FHIT: variants seen among roughly 807,000 people sequenced by gnomAD.
FHIT encodes fragile histidine triad diadenosine triphosphatase, also known as bis(5'-adenosyl)-triphosphatase.
FHIT carries 19 observed loss-of-function variants against 17.9 expected under a neutral mutation model. The ratio of observed to expected loss-of-function variants is 1.06; its 90% CI spans 0.74 to 1.56. The LOEUF (loss-of-function observed/expected upper bound fraction) is 1.56, where lower values mean the gene tolerates loss of function less well. Ranked by LOEUF, FHIT falls within the 40% of genes most tolerant of loss-of-function variation. FHIT has a pLI of 0.00. For missense variants in FHIT, 248 were observed against 189.2 expected (o/e 1.31, Z -1.82); for synonymous variants, 81 against 69.7 (o/e 1.16, Z -0.81).
intron 1 of FHIT, among the ~76,000 whole-genome samples, chr3:61,216,695 G>A (rs932211649): frequency 2.0e-5 from 3 of 152,140 alleles, no homozygotes; most frequent in African/African-American, 7.2e-5. Context: ...ACATGCACAC[G>A]TATGTTTATT....
chr3:60,771,037 C>T (rs1700025676), intron 4 of FHIT, among the ~76,000 whole-genome samples: 1 of 152,226 alleles, frequency 6.6e-6, no homozygotes, highest in Non-Finnish European at 1.5e-5. Flanking sequence ...GAATCTGCAA[C>T]CTACTCCTTT....
chr3:61,128,162 A>C lies in FHIT; in HGVS notation c.-164+72455T>G, dbSNP rs192283844. On this transcript the variant is annotated intron_variant, in intron 2 of 9. Transcript: ENST00000492590. ...TATTTAGTGCAAGGACAACATAAAC[A>C]ATAATGAAAAAAGAAAGAGATAAAC... Among the ~76,000 whole-genome samples, 134 of 152,300 alleles carry C rather than the reference A, an allele frequency of 8.8e-4. No individual in the cohort carries two copies. The Middle Eastern group carries it at 0.01, about 12-fold the overall frequency.
At chr3:60,980,601 C>T (rs1710453141) in intron 3 of FHIT, among the ~76,000 whole-genome samples, 1 of 152,182 alleles carries the variant, frequency 6.6e-6, no homozygotes, top group Non-Finnish European at 1.5e-5. Context: ...CCCAGCAGGT[C>T]TCAGACCACT....
intron 5 of FHIT, among the ~76,000 whole-genome samples, chr3:60,034,260 G>A (rs1701119200): frequency 6.6e-6 from 1 of 152,202 alleles, no homozygotes; most frequent in East Asian, 1.9e-4. Flanking sequence ...CTGATTCAAT[G>A]AACATGTCAT....
chr3:59,919,201 G>A (rs1235854596), intron 8 of FHIT, among the ~76,000 whole-genome samples: 3 of 152,176 alleles, frequency 2.0e-5, no homozygotes, highest in Admixed American at 1.3e-4. Context: ...CCCATGCACT[G>A]ACCAAATGTA....
Position 59,747,442 on chromosome 3 carries a change from C to A in FHIT, c.*2143G>T, listed in dbSNP as rs114387566. Among the ~76,000 whole-genome samples, 493 of 152,174 alleles carry A rather than the reference C, an allele frequency of 3.2e-3. 5 individuals are homozygous for A. The highest frequency in any genetic ancestry group is 0.011 in the African/African-American group (460 of 41,516). ...TGAGAACAGCATGGGAAAGACCCTCCCCCTTGATTCAGTTACCTCCCACTG... is the reference window on the plus strand; with the variant it reads ...TGAGAACAGCATGGGAAAGACCCTCACCCTTGATTCAGTTACCTCCCACTG... On this transcript the variant is annotated 3_prime_UTR_variant, in exon 10 of 10. Transcript: ENST00000492590.
rs182262149 is a variant in FHIT, at chr3:60,876,825, G to A, written c.-110-54814C>T. Among the ~76,000 whole-genome samples, 27 of 152,254 alleles carry A rather than the reference G, an allele frequency of 1.8e-4. No individual in the cohort carries two copies. The East Asian group carries it at 5.0e-3, about 28-fold the overall frequency. On this transcript the variant is annotated intron_variant, in intron 3 of 9. Coordinates refer to ENST00000492590, the MANE Select transcript of FHIT (RefSeq NM_002012.4). Reference sequence around the variant, plus strand: ...TACACTTTAATGTACATAACTGAAGGAGAGTGCTAGAATACATCAAAGGAG... The same window carrying A: ...TACACTTTAATGTACATAACTGAAGAAGAGTGCTAGAATACATCAAAGGAG...
intron 5 of FHIT, among the ~76,000 whole-genome samples, chr3:60,441,742 A>ATT (rs1559915997): frequency 5.6e-5 from 1 of 17,808 alleles, no homozygotes; most frequent in African/African-American, 1.6e-4. Context: ...ATATATATAT[A>ATT]TTTATATATA....
At chr3:61,202,880 T>C (rs1344883629) in intron 1 of FHIT, among the ~76,000 whole-genome samples, 1 of 151,958 alleles carries the variant, frequency 6.6e-6, no homozygotes, top group Non-Finnish European at 1.5e-5. Flanking sequence ...GGTGAAACCT[T>C]GTCTCTACTA....
chr3:60,815,583 T>C (rs919166517), intron 4 of FHIT, among the ~76,000 whole-genome samples: 5 of 152,168 alleles, frequency 3.3e-5, no homozygotes, highest in Non-Finnish European at 7.4e-5. Flanking sequence ...GTCTGTTCCA[T>C]TGGTTTCTGT....
intron 2 of FHIT, among the ~76,000 whole-genome samples, chr3:61,199,817 C>T (rs747635834): frequency 1.3e-5 from 2 of 152,076 alleles, no homozygotes. Context: ...AAAATTATAG[C>T]ATATTTCACC....
At chr3:60,558,244 A>C (rs933385150) in intron 4 of FHIT, among the ~76,000 whole-genome samples, 1 of 152,054 alleles carries the variant, frequency 6.6e-6, no homozygotes, top group East Asian at 2.0e-4. Context: ...AATGTCAACC[A>C]ATCTCTAGTC....
chr3:60,093,538 C>G (rs571745644), intron 5 of FHIT, among the ~76,000 whole-genome samples: 1 of 152,154 alleles, frequency 6.6e-6, no homozygotes, highest in Non-Finnish European at 1.5e-5. Flanking sequence ...CTGGGGATTA[C>G]GACATGGAGG....
intron 5 of FHIT, among the ~76,000 whole-genome samples, chr3:60,201,963 A>G (rs940297909): frequency 6.6e-6 from 1 of 152,200 alleles, no homozygotes; most frequent in Non-Finnish European, 1.5e-5. Flanking sequence ...CCATAGCAAG[A>G]GATGGCTGCC....
At chr3:61,108,767 G>C (rs144652027) in intron 2 of FHIT, among the ~76,000 whole-genome samples, 2 of 152,268 alleles carry the variant, frequency 1.3e-5, no homozygotes, top group African/African-American at 4.8e-5. Context: ...AGGACAAAAA[G>C]TATTTTGTGT....
intron 7 of FHIT, among the ~76,000 whole-genome samples, chr3:59,943,733 C>T (rs987437334): frequency 5.9e-5 from 9 of 152,158 alleles, no homozygotes; most frequent in Admixed American, 3.9e-4. Context: ...CAACATCATT[C>T]CTTCATCATA....
chr3:60,377,294 T>G (rs928815136), intron 5 of FHIT, among the ~76,000 whole-genome samples: 1 of 151,158 alleles, frequency 6.6e-6, no homozygotes, highest in Non-Finnish European at 1.5e-5. Context: ...CCTGAATAGC[T>G]GGGACTACAG....
intron 5 of FHIT, among the ~76,000 whole-genome samples, chr3:60,509,910 C>G (rs985447093): frequency 6.6e-6 from 1 of 152,102 alleles, no homozygotes; most frequent in Non-Finnish European, 1.5e-5. Flanking sequence ...GGTAAAGAAA[C>G]CTTGCTACCG....
chr3:60,497,238 G>C (rs1226743953), intron 5 of FHIT, among the ~76,000 whole-genome samples: 1 of 152,082 alleles, frequency 6.6e-6, no homozygotes, highest in Admixed American at 6.5e-5. Context: ...TTACAAGGTT[G>C]AGAAAGGCAG....
Sources: gnomAD v4.1 joint callset for allele counts (sites outside exome capture counted in the v4.1 genomes callset) on GRCh38, gnomAD v4.1.1 for gene constraint, MANE v1.5 for transcripts, NCBI Gene and HGNC (gene_info 2026-07-23, HGNC 2026-07-21) for gene names.